Variants in CNBD2 observed in about 807,000 individuals in gnomAD.
CNBD2 encodes the protein cyclic nucleotide binding domain containing 2.
CNBD2 carries 64 observed loss-of-function variants against 63.7 expected under a neutral mutation model. The ratio of observed to expected loss-of-function variants is 1.00; its 90% CI spans 0.82 to 1.24. CNBD2 has a LOEUF of 1.24. Ranked by LOEUF, CNBD2 falls within the 50% of genes most tolerant of loss-of-function variation. CNBD2 has a pLI of 0.00. For missense variants in CNBD2, 691 were observed against 713.5 expected (o/e 0.97, Z 0.36); for synonymous variants, 229 against 255.4 (o/e 0.90, Z 0.99).
At chr20:35,956,369 G>A (rs768334795), downstream of CNBD2, among the ~76,000 whole-genome samples, 15 of 152,076 alleles carry the variant, frequency 9.9e-5, no homozygotes, top group African/African-American at 2.4e-4. Flanking sequence ...TTGAAAAAAC[G>A]GAAGAGCTGG....
chr20:36,005,786 T>TA (rs1280512171), intron 8 of CNBD2, among the ~76,000 whole-genome samples: 1 of 150,944 alleles, frequency 6.6e-6, no homozygotes, highest in Non-Finnish European at 1.5e-5. Context: ...CTGTCTCTAA[T>TA]AAAAATACAG....
chr20:36,025,275 G>A (rs1385508895), intron 11 of CNBD2, among the ~76,000 whole-genome samples: 1 of 152,088 alleles, frequency 6.6e-6, no homozygotes, highest in African/African-American at 2.4e-5. Flanking sequence ...CGTTTTCTCT[G>A]GGAGGTGAGA....
intron 8 of CNBD2, among the ~76,000 whole-genome samples, chr20:35,998,874 C>CAAA (rs74173968): frequency 1.5e-4 from 7 of 47,330 alleles, no homozygotes; most frequent in East Asian, 1.1e-3. Context: ...CTGTGTCTCT[C>CAAA]AAAAAAAAAA....
intron 3 of CNBD2, among the ~76,000 whole-genome samples, chr20:35,976,576 C>T (rs541254712): frequency 7.9e-5 from 12 of 152,152 alleles, no homozygotes; most frequent in South Asian, 6.3e-4. Context: ...GGTGATAGAG[C>T]GAGGCCCCCT....
intron 3 of CNBD2, among the ~76,000 whole-genome samples, chr20:35,978,590 C>T (rs1473173431): frequency 1.3e-5 from 2 of 152,158 alleles, no homozygotes; most frequent in African/African-American, 4.8e-5. Flanking sequence ...GTGATCCGTC[C>T]GCCTTGGCCT....
chr20:35,979,469 G>T (rs995194774), intron 3 of CNBD2, among the ~76,000 whole-genome samples: 1 of 152,218 alleles, frequency 6.6e-6, no homozygotes, highest in South Asian at 2.1e-4. Flanking sequence ...TGTTGCCTAG[G>T]CTGGTCTCAA....
upstream of CNBD2, among the ~76,000 whole-genome samples, chr20:35,967,939 A>G (rs954029894): frequency 8.5e-5 from 13 of 152,342 alleles, no homozygotes; most frequent in African/African-American, 3.1e-4. Context: ...TGCCCAAGGA[A>G]GGAATTCAAG....
chr20:35,999,535 C>T (rs1432844794), intron 8 of CNBD2, among the ~76,000 whole-genome samples: 1 of 152,108 alleles, frequency 6.6e-6, no homozygotes, highest in African/African-American at 2.4e-5. Flanking sequence ...TATTATACCA[C>T]TTCATGTATA....
chr20:35,987,874 T>G (rs562637237), intron 7 of CNBD2, among the ~76,000 whole-genome samples: 1 of 152,214 alleles, frequency 6.6e-6, no homozygotes, highest in Admixed American at 6.5e-5. Flanking sequence ...ATTTATTTAT[T>G]TATTTATTTT....
chr20:36,021,798 G>T (rs571296513), intron 10 of CNBD2, among the ~76,000 whole-genome samples: 1 of 152,208 alleles, frequency 6.6e-6, no homozygotes, highest in East Asian at 1.9e-4. Flanking sequence ...CCTTCATCAC[G>T]GAAGCAAGTA....
At chr20:35,988,427 T>C (rs1415682511) in intron 7 of CNBD2, among the ~76,000 whole-genome samples, 1 of 152,150 alleles carries the variant, frequency 6.6e-6, no homozygotes, top group East Asian at 1.9e-4. Flanking sequence ...TGCCTCAGCC[T>C]CCCAAAGTGC....
intron 8 of CNBD2, among the ~76,000 whole-genome samples, chr20:35,997,281 G>A (rs1250101810): frequency 6.6e-6 from 1 of 152,098 alleles, no homozygotes; most frequent in Non-Finnish European, 1.5e-5. Flanking sequence ...GTATCCTGGG[G>A]CCTCCTCCCC....
chr20:35,994,575 TAA>T (rs565944995), intron 7 of CNBD2, among the ~76,000 whole-genome samples: 4 of 131,104 alleles, frequency 3.1e-5, no homozygotes, highest in Admixed American at 1.6e-4. Flanking sequence ...CATTTTCATT[TAA>T]AAAAAAAAAA....
chr20:36,001,361 G>C (rs909518450), intron 8 of CNBD2, among the ~76,000 whole-genome samples: 2 of 146,618 alleles, frequency 1.4e-5, no homozygotes, highest in Admixed American at 6.7e-5. Flanking sequence ...CTGGCAGGGT[G>C]GGGGGCTGAC....
At position 35,972,492 on chromosome 20, in the gene CNBD2, AACC is replaced by A. The variant is rs1194936941; in HGVS notation, c.52-135_52-133del. ...AGGCTTGCAAAATTCCTGAAAATGT[AACC>A]ATCACTCCAGCACACTACAGCACAC... is the stretch of plus-strand genomic sequence containing the variant. On this transcript the variant is annotated intron_variant, in intron 1 of 11. Transcript: ENST00000373973. 4 of 767,144 alleles carry A rather than the reference AACC, an allele frequency of 5.2e-6. No homozygotes were observed. The African/African-American group carries it at 5.3e-5, about 10-fold the overall frequency. The allele number at this position is 767,144 out of a possible 1,614,324, so 47.5% of individuals were successfully genotyped here. A position where few individuals can be genotyped will look rare whatever the true frequency, so the allele number is the denominator to read the frequency against.
rs903359966 is a variant in CNBD2, at chr20:36,011,392, T to A, written c.1269+135T>A. ...AAGGAATTATGTTGATTTGTAAAGA[T>A]GTGATAAGAATAGGCCGGGCGCGGT... On this transcript the variant is annotated intron_variant, in intron 10 of 11. Coordinates refer to ENST00000373973, the MANE Select transcript of CNBD2 (RefSeq NM_001365709.1). The A allele has an allele frequency of 1.6e-5, 19 of 1,199,832 alleles. No individual in the cohort carries two copies. The African/African-American group carries it at 2.7e-4, about 17-fold the overall frequency. 74.3% of individuals were successfully genotyped at this position (1,199,832 alleles called of 1,614,324 possible).
intron 3 of CNBD2, among the ~76,000 whole-genome samples, chr20:35,979,460 G>A (rs1041635818): frequency 1.3e-5 from 2 of 152,204 alleles, no homozygotes; most frequent in Admixed American, 6.5e-5. Context: ...GTCTTGCTAT[G>A]TTGCCTAGGC....
At chr20:36,028,313 A>G (rs1270133771) in intron 11 of CNBD2, among the ~76,000 whole-genome samples, 1 of 152,088 alleles carries the variant, frequency 6.6e-6, no homozygotes. Flanking sequence ...GCCCTCATCT[A>G]GAATGCTGAC....
downstream of CNBD2, among the ~76,000 whole-genome samples, chr20:35,959,909 T>G (rs1945115075): frequency 6.6e-6 from 1 of 152,248 alleles, no homozygotes; most frequent in Non-Finnish European, 1.5e-5. Flanking sequence ...CTGGATGCAC[T>G]GTAAAGAATA....
Sources: allele counts gnomAD v4.1 joint callset (sites outside exome capture counted in the v4.1 genomes callset), GRCh38; gene constraint gnomAD v4.1.1; transcripts MANE v1.5; gene names NCBI Gene and HGNC (gene_info 2026-07-23, HGNC 2026-07-21).